Variants in ZNF81 observed in about 807,000 individuals in gnomAD.
ZNF81 encodes the protein zinc finger protein 81 (HFZ20).
In ZNF81, 5 loss-of-function variants were observed where a neutral mutation model predicts 32.3. The ratio of observed to expected loss-of-function variants is 0.15; its 90% CI spans 0.08 to 0.33. The LOEUF (loss-of-function observed/expected upper bound fraction) is 0.33, where lower values mean the gene tolerates loss of function less well. Ranked by LOEUF, ZNF81 falls within the 10% of genes least tolerant of loss-of-function variation. The pLI, the probability that ZNF81 is intolerant of heterozygous loss-of-function variation, is 1.00. For synonymous variants in ZNF81, 163 were observed against 166.8 expected, an observed-to-expected ratio of 0.98 and a Z score of 0.17; for missense variants, 379 against 479.8, an observed-to-expected ratio of 0.79 and a Z score of 1.96.
rs1391949872 is a variant in ZNF81 at position 47,846,279 on chromosome X, CGAG to C, written c.15_17del (p.Glu5del). On this transcript the variant is annotated inframe_deletion, in exon 2 of 5. Transcript: ENST00000338637. The stretch of plus-strand genomic sequence containing the variant: ...AGTCCGTCGGGAACATGCCAGCTAA[CGAG>C]GACGCTCCCCAGCCAGGGGAACATG... 1 of 1,207,529 alleles carries C rather than the reference CGAG, an allele frequency of 8.3e-7. No individual in the cohort carries two copies. The highest frequency in any genetic ancestry group is 1.1e-6 in the Non-Finnish European group (1 of 894,633).
chrX:47,842,594 T>C (rs782290611), intron 1 of ZNF81: 1 of 111,623 alleles, frequency 9.0e-6, no homozygotes, highest in South Asian at 3.8e-4. Flanking sequence ...CTCTTCTACA[T>C]GTACTAACCT....
chrX:47,919,467 G>A lies in ZNF81; in HGVS notation c.*2835G>A. On this transcript the variant is annotated 3_prime_UTR_variant, in exon 5 of 5. Transcript: ENST00000338637. ...TGAAATTCCCCATCTTTTCATGCAT[G>A]TTCATGTTTTCCCCTTTACCCTTTG... 1 of 199,880 alleles carries A rather than the reference G, an allele frequency of 5.0e-6. No homozygotes were observed. Among genetic ancestry groups the A allele is most frequent in the Non-Finnish European group, 9.4e-6 (1 of 106,944 alleles). 16.5% of individuals were successfully genotyped at this position (199,880 alleles called of 1,213,427 possible).
At chrX:47,890,910 A>AT (rs377629846) in intron 3 of ZNF81, among the ~76,000 whole-genome samples, 70 of 111,090 alleles carry the variant, frequency 6.3e-4, no homozygotes, top group African/African-American at 2.1e-3. Context: ...AGGCCCTTAA[A>AT]TTTTTTTTCA....
At chrX:47,906,559 G>A (rs1556889205) in intron 4 of ZNF81, among the ~76,000 whole-genome samples, 2 of 112,137 alleles carry the variant, frequency 1.8e-5, no homozygotes, top group Non-Finnish European at 3.8e-5. Context: ...ATTAATGCCT[G>A]TAATCCCAGC....
At chrX:47,909,645 AT>A (rs1389403318) in intron 4 of ZNF81, among the ~76,000 whole-genome samples, 1 of 106,194 alleles carries the variant, frequency 9.4e-6, no homozygotes, top group Non-Finnish European at 1.9e-5. Flanking sequence ...TTTAGGGTAC[AT>A]GTGCACAATA....
At chrX:47,890,910 AT>A (rs377629846) in intron 3 of ZNF81, among the ~76,000 whole-genome samples, 1 of 111,040 alleles carries the variant, frequency 9.0e-6, no homozygotes, top group Admixed American at 9.5e-5. Context: ...AGGCCCTTAA[AT>A]TTTTTTTCAG....
chrX:47,879,682 G>T (rs73489340), intron 2 of ZNF81, among the ~76,000 whole-genome samples: 1 of 112,107 alleles, frequency 8.9e-6, no homozygotes, highest in African/African-American at 3.2e-5. Context: ...AGTATAACCT[G>T]CCCTTTGTTC....
chrX:47,914,047 A>G (rs895041693), intron 4 of ZNF81, among the ~76,000 whole-genome samples: 1 of 110,337 alleles, frequency 9.1e-6, no homozygotes, highest in Non-Finnish European at 1.9e-5. Flanking sequence ...CTATTAGTGG[A>G]AAAAAAAAGA....
intron 2 of ZNF81, among the ~76,000 whole-genome samples, chrX:47,857,370 T>A (rs188883607): frequency 8.9e-6 from 1 of 112,275 alleles, no homozygotes; most frequent in Non-Finnish European, 1.9e-5. Context: ...AAAATAAATA[T>A]TCCCTATGCA....
chrX:47,882,847 C>T (rs146289553), intron 2 of ZNF81, among the ~76,000 whole-genome samples: 1,418 of 111,817 alleles, frequency 0.013, 24 homozygotes, highest in African/African-American at 0.044. Flanking sequence ...AAAAATTAGC[C>T]GGGTGTGGTG....
At chrX:47,884,106 C>T (rs1434451262) in intron 2 of ZNF81, among the ~76,000 whole-genome samples, 3 of 108,924 alleles carry the variant, frequency 2.8e-5, no homozygotes, top group African/African-American at 6.7e-5. Flanking sequence ...ATTAGCCAGG[C>T]GTGGTGGTGG....
intron 4 of ZNF81, among the ~76,000 whole-genome samples, chrX:47,906,672 C>G (rs1014488709): frequency 1.7e-4 from 19 of 110,667 alleles, no homozygotes; most frequent in Non-Finnish European, 3.2e-4. Context: ...CAAAAATTAG[C>G]CAGGCATGGT....
At chrX:47,902,938 A>G (rs2148037103) in intron 4 of ZNF81, among the ~76,000 whole-genome samples, 1 of 112,271 alleles carries the variant, frequency 8.9e-6, no homozygotes, top group African/African-American at 3.2e-5. Flanking sequence ...CCAGCATATA[A>G]ACAGAACCAA....
chrX:47,908,048 T>TA (rs1556889378), intron 4 of ZNF81, among the ~76,000 whole-genome samples: 1 of 111,364 alleles, frequency 9.0e-6, no homozygotes, highest in Non-Finnish European at 1.9e-5. Flanking sequence ...TGATAGTAAA[T>TA]TGAACTATAT....
intron 4 of ZNF81, among the ~76,000 whole-genome samples, chrX:47,899,774 G>A (rs1556887687): frequency 8.9e-6 from 1 of 111,916 alleles, no homozygotes; most frequent in African/African-American, 3.2e-5. Flanking sequence ...TAGATGTAGA[G>A]CTATTCAGAT....
Position 47,877,966 on chromosome X carries a change from A to C in ZNF81, c.55-10033A>C, listed in dbSNP as rs782116664. Among the ~76,000 whole-genome samples the C allele has an allele frequency of 1.4e-3, 152 of 111,494 alleles. 1 individual carries two copies. Among genetic ancestry groups the C allele is most frequent in the Non-Finnish European group, 2.5e-3 (132 of 53,061 alleles). ...AGGCAGCTTACCAAGAGGGCTAACTATAGGCCTAATAACAGCAGCCAGGAT... is the reference window on the plus strand; with the variant it reads ...AGGCAGCTTACCAAGAGGGCTAACTCTAGGCCTAATAACAGCAGCCAGGAT... On this transcript the variant is annotated intron_variant, in intron 2 of 4. Transcript: ENST00000338637.
At chrX:47,856,624 A>G (rs2058518332) in intron 2 of ZNF81, among the ~76,000 whole-genome samples, 1 of 112,102 alleles carries the variant, frequency 8.9e-6, no homozygotes, top group South Asian at 3.7e-4. Context: ...GTCCAGCATT[A>G]TTTTATAAAT....
intron 2 of ZNF81, among the ~76,000 whole-genome samples, chrX:47,870,100 T>G (rs1440322080): frequency 9.0e-6 from 1 of 111,731 alleles, no homozygotes; most frequent in Non-Finnish European, 1.9e-5. Context: ...GTAGATGAAA[T>G]CTCCTGGTTG....
rs2058770285 is a variant in ZNF81, at chrX:47,919,870, A to AGTT, written c.*3239_*3241dup. 8.9e-6 allele frequency: 1 copy of AGTT among 111,822 alleles called. No individual in the cohort carries two copies. The highest frequency in any genetic ancestry group is 3.3e-5 in the African/African-American group (1 of 30,719). 9.2% of individuals were successfully genotyped at this position (111,822 alleles called of 1,213,427 possible). On this transcript the variant is annotated 3_prime_UTR_variant, in exon 5 of 5. Transcript: ENST00000338637. ...TAATACCCTCTAACATATTAATCAT[A>AGTT]GTTATTTTTAACTCCCTGTCTGATA... is the stretch of plus-strand genomic sequence containing the variant.
Sources: gnomAD v4.1 joint callset for allele counts (sites outside exome capture counted in the v4.1 genomes callset) on GRCh38, gnomAD v4.1.1 for gene constraint, MANE v1.5 for transcripts, NCBI Gene and HGNC (gene_info 2026-07-23, HGNC 2026-07-21) for gene names.